Variants in UVRAG observed in about 807,000 individuals in gnomAD.
UVRAG encodes UV radiation resistance-associated gene protein.
UVRAG carries 19 observed loss-of-function variants against 78.0 expected under a neutral mutation model. The ratio of observed to expected loss-of-function variants is 0.24; its 90% CI spans 0.17 to 0.36. The LOEUF (loss-of-function observed/expected upper bound fraction) is 0.36. Among genes scored for constraint, UVRAG ranks in the 10% least tolerant of loss-of-function variants. The pLI is 1.00. For missense variants in UVRAG, 740 were observed against 853.8 expected (o/e 0.87, Z 1.66); for synonymous variants, 323 against 324.6 (o/e 1.00, Z 0.05).
intron 12 of UVRAG, among the ~76,000 whole-genome samples, chr11:76,049,986 C>G (rs940561231): frequency 6.6e-6 from 1 of 152,154 alleles, no homozygotes; most frequent in Non-Finnish European, 1.5e-5. Context: ...GCCTGCAGGA[C>G]AATTGCTAGG....
chr11:76,101,225 G>C (rs1951875153), intron 13 of UVRAG, among the ~76,000 whole-genome samples: 1 of 152,066 alleles, frequency 6.6e-6, no homozygotes, highest in Admixed American at 6.6e-5. Context: ...CAGTGTATAA[G>C]CTTTCCTTTT....
intron 12 of UVRAG, among the ~76,000 whole-genome samples, chr11:76,056,606 C>T (rs1169332636): frequency 6.6e-6 from 1 of 152,160 alleles, no homozygotes; most frequent in Non-Finnish European, 1.5e-5. Flanking sequence ...TAAAGTTCCT[C>T]ACATTTTGAA....
At chr11:75,881,491 A>G (rs1235018510) in intron 4 of UVRAG, among the ~76,000 whole-genome samples, 2 of 152,202 alleles carry the variant, frequency 1.3e-5, no homozygotes, top group African/African-American at 4.8e-5. Flanking sequence ...ATATGCATCT[A>G]TCTCAGTGAG....
chr11:75,949,641 C>G (rs1948646162), intron 6 of UVRAG, among the ~76,000 whole-genome samples: 1 of 151,002 alleles, frequency 6.6e-6, no homozygotes, highest in Admixed American at 6.6e-5. Context: ...CATATACCAG[C>G]AAACATTCTT....
At chr11:75,932,378 G>A (rs1041010816) in intron 6 of UVRAG, among the ~76,000 whole-genome samples, 8 of 151,826 alleles carry the variant, frequency 5.3e-5, no homozygotes, top group African/African-American at 1.7e-4. Flanking sequence ...TCTGCCTCCC[G>A]AGTTCAAGTG....
At chr11:75,973,769 C>G (rs1442247024) in intron 7 of UVRAG, among the ~76,000 whole-genome samples, 1 of 152,204 alleles carries the variant, frequency 6.6e-6, no homozygotes, top group Non-Finnish European at 1.5e-5. Context: ...CAAGTGTTCT[C>G]ATTGTTCAAT....
rs149435570 is a variant in UVRAG, at chr11:75,972,372, G to T, written c.699+10823G>T. Among the ~76,000 whole-genome samples the T allele has an allele frequency of 5.8e-4, 88 of 152,150 alleles. 1 individual carries two copies. In the East Asian group the frequency reaches 0.017, roughly 29 times the overall value. ...AATTTCATGTTTAGATCTGTGATCT[G>T]GTTTGAGTTAATTTTTTATGAACGG... is the stretch of plus-strand genomic sequence containing the variant. On this transcript the variant is annotated intron_variant, in intron 7 of 14. Transcript: ENST00000356136.
chr11:76,016,454 A>G (rs1316044885), intron 11 of UVRAG, among the ~76,000 whole-genome samples: 2 of 152,142 alleles, frequency 1.3e-5, no homozygotes, highest in Non-Finnish European at 2.9e-5. Context: ...TTAAGTTTAA[A>G]CCTCTGAAGC....
At position 76,142,226 on chromosome 11, in the gene UVRAG, A is replaced by G. The variant is rs1233509219; in HGVS notation, c.*813A>G. Reference sequence around the variant, plus strand: ...GCCATCTCATCCCCTGTGGGGGCCAAAGTTTTTATGTGGGCAGATGCTGTG... The same window carrying G: ...GCCATCTCATCCCCTGTGGGGGCCAGAGTTTTTATGTGGGCAGATGCTGTG... On this transcript the variant is annotated 3_prime_UTR_variant, in exon 15 of 15. Transcript: ENST00000356136. The G allele has an allele frequency of 1.3e-5, 2 of 152,182 alleles. No homozygotes were observed. The highest frequency in any genetic ancestry group is 2.4e-5 in the African/African-American group (1 of 41,428). The allele number at this position is 152,182 out of a possible 1,614,324, so 9.4% of individuals were successfully genotyped here. A position where few individuals can be genotyped will look rare whatever the true frequency, so the allele number is the denominator to read the frequency against.
chr11:75,866,354 C>T (rs1412766370), intron 3 of UVRAG, among the ~76,000 whole-genome samples: 2 of 145,928 alleles, frequency 1.4e-5, no homozygotes, highest in Non-Finnish European at 3.0e-5. Context: ...ACTCCCATCT[C>T]TACAATAAAT....
intron 6 of UVRAG, chr11:75,914,538 G>A (rs540977979): frequency 2.2e-4 from 33 of 152,318 alleles, no homozygotes; most frequent in African/African-American, 7.9e-4. Context: ...CTGTCACCCA[G>A]GTTGGAGTGC....
At chr11:75,828,805 A>ATATATATATATATATATTTT in intron 1 of UVRAG, among the ~76,000 whole-genome samples, 1 of 100,268 alleles carries the variant, frequency 1.0e-5, no homozygotes, top group East Asian at 2.9e-4. Flanking sequence ...ATATATATAT[A>ATATATATATATATATATTTT]TTTTTTTTTT....
chr11:76,048,787 A>G (rs1388763984), intron 12 of UVRAG, among the ~76,000 whole-genome samples: 1 of 152,224 alleles, frequency 6.6e-6, no homozygotes, highest in Non-Finnish European at 1.5e-5. Flanking sequence ...AAGCAGGTAA[A>G]GTTTTTAGGC....
chr11:75,877,989 G>A (rs1414324351), intron 3 of UVRAG, among the ~76,000 whole-genome samples: 2 of 151,392 alleles, frequency 1.3e-5, no homozygotes, highest in African/African-American at 2.4e-5. Context: ...CAGACGGGGC[G>A]GCTGCCGGGC....
At chr11:76,067,074 C>T (rs976996193) in intron 13 of UVRAG, among the ~76,000 whole-genome samples, 1 of 152,160 alleles carries the variant, frequency 6.6e-6, no homozygotes, top group Non-Finnish European at 1.5e-5. Context: ...CCTTAACCAA[C>T]CTCAGTTTAA....
At chr11:76,031,609 T>C (rs1950439523) in intron 12 of UVRAG, among the ~76,000 whole-genome samples, 1 of 152,168 alleles carries the variant, frequency 6.6e-6, no homozygotes, top group South Asian at 2.1e-4. Flanking sequence ...GACAGTGGGA[T>C]AAGAAAGAAA....
At position 75,892,502 on chromosome 11, in the gene UVRAG, G is replaced by A. The variant is rs1414139819; in HGVS notation, c.507+3599G>A. 7 of 755,314 alleles carry A rather than the reference G, an allele frequency of 9.3e-6. No homozygotes were observed. The South Asian group carries it at 2.4e-4, about 26-fold the overall frequency. The allele number at this position is 755,314 out of a possible 1,614,324, so 46.8% of individuals were successfully genotyped here. On this transcript the variant is annotated intron_variant, in intron 5 of 14. Coordinates refer to ENST00000356136, the MANE Select transcript of UVRAG (RefSeq NM_003369.4). ...TTTACCTTATTTAAACCTCACACTT[G>A]GCCTTTCATAGAAGAGGAAGTTGGC...
At chr11:76,120,256 TTACAAA>T (rs1952250901) in intron 14 of UVRAG, among the ~76,000 whole-genome samples, 1 of 152,106 alleles carries the variant, frequency 6.6e-6, no homozygotes, top group Non-Finnish European at 1.5e-5. Context: ...GAATACAAAA[TTACAAA>T]TACAAAATTA....
Position 75,976,167 on chromosome 11 carries a change from G to A in UVRAG, c.700-7220G>A, listed in dbSNP as rs1369331879. ...TGGTTCTGTTTATATGCTGGATTACGTTTATTGATTTGCATATGTTGAACC... is the reference window on the plus strand; with the variant it reads ...TGGTTCTGTTTATATGCTGGATTACATTTATTGATTTGCATATGTTGAACC... On this transcript the variant is annotated intron_variant, in intron 7 of 14. Coordinates refer to ENST00000356136, the MANE Select transcript of UVRAG (RefSeq NM_003369.4). Among the ~76,000 whole-genome samples, 108 of 152,206 alleles carry A rather than the reference G, an allele frequency of 7.1e-4. No individual in the cohort carries two copies. In the East Asian group the frequency reaches 0.015, roughly 22 times the overall value.
Sources: allele counts gnomAD v4.1 joint callset (sites outside exome capture counted in the v4.1 genomes callset), GRCh38; gene constraint gnomAD v4.1.1; transcripts MANE v1.5; gene names NCBI Gene and HGNC (gene_info 2026-07-23, HGNC 2026-07-21).